Variants in NMBR observed in about 807,000 individuals in gnomAD.
The protein encoded by NMBR is neuromedin B receptor.
Under a neutral mutation model 20.5 loss-of-function variants are expected in NMBR, and 16 were observed. The ratio of observed to expected loss-of-function variants is 0.78; its 90% CI spans 0.53 to 1.19. The LOEUF (loss-of-function observed/expected upper bound fraction) is 1.19, where lower values mean the gene tolerates loss of function less well. Among genes scored for constraint, NMBR ranks in the 50% most tolerant of loss-of-function variants. The probability of loss-of-function intolerance (pLI) is 0.00; values close to 1 mark genes in which losing one functional copy is unlikely to be tolerated. For synonymous variants in NMBR, 212 were observed against 196.6 expected (o/e 1.08, Z -0.65); for missense variants, 582 against 499.1 (o/e 1.17, Z -1.58).
In NMBR at chr6:142,088,439, T is replaced by C. The variant is rs1777242961; in HGVS notation, c.220A>G (p.Met74Val). ...ATGAAGATGTTGGGGACGCTCCTCATGGCGCTGTTGGTGATGAAGATCTTC... is the reference window on the plus strand; with the variant it reads ...ATGAAGATGTTGGGGACGCTCCTCACGGCGCTGTTGGTGATGAAGATCTTC... ...LVKIFITNSA[M>V]RSVPNIFISN... is the part of the protein sequence containing the mutation. The change falls in exon 2 of 4, where the codon ATG becomes GTG. Residue 74 changes from methionine to valine, a missense_variant. Met to Val is a conservative substitution (Grantham distance 21). Transcript: ENST00000258042. 2 of 1,613,968 alleles carry C rather than the reference T, an allele frequency of 1.2e-6. No individual in the cohort carries two copies. Among genetic ancestry groups the C allele is most frequent in the Non-Finnish European group, 1.7e-6 (2 of 1,179,972 alleles).
intron 1 of NMBR, among the ~76,000 whole-genome samples, chr6:142,120,893 A>T (rs1777934638): frequency 6.6e-6 from 1 of 151,904 alleles, no homozygotes; most frequent in African/African-American, 2.4e-5. Flanking sequence ...GAGTTACCTC[A>T]TTTTATCGTG....
chr6:142,130,985 T>G (rs1042785141), intron 1 of NMBR, among the ~76,000 whole-genome samples: 1 of 152,178 alleles, frequency 6.6e-6, no homozygotes, highest in Non-Finnish European at 1.5e-5. Context: ...TTCAGAATTG[T>G]TATGGACCAG....
At chr6:142,141,622 A>G (rs1387604020) in intron 1 of NMBR, among the ~76,000 whole-genome samples, 1 of 150,856 alleles carries the variant, frequency 6.6e-6, no homozygotes, top group Non-Finnish European at 1.5e-5. Context: ...CTCCTGCCTC[A>G]GCCTCCCGAA....
intron 1 of NMBR, among the ~76,000 whole-genome samples, chr6:142,125,740 A>G (rs59323676): frequency 0.066 from 10,095 of 151,920 alleles, 491 homozygotes; most frequent in Admixed American, 0.15. Context: ...TACCTAACAA[A>G]TAATTATAGG....
chr6:142,106,994 T>C (rs1241079564), intron 1 of NMBR, among the ~76,000 whole-genome samples: 1 of 152,212 alleles, frequency 6.6e-6, no homozygotes, highest in African/African-American at 2.4e-5. Flanking sequence ...GCCAGTTAAA[T>C]TCCAGAAAGG....
chr6:142,144,220 A>G (rs1273517715), intron 1 of NMBR, among the ~76,000 whole-genome samples: 1 of 152,214 alleles, frequency 6.6e-6, no homozygotes, highest in Non-Finnish European at 1.5e-5. Flanking sequence ...TGTTAGTCTC[A>G]TGATACTGGA....
chr6:142,091,876 T>G (rs1477946966), intron 1 of NMBR, among the ~76,000 whole-genome samples: 1 of 152,156 alleles, frequency 6.6e-6, no homozygotes, highest in Non-Finnish European at 1.5e-5. Flanking sequence ...CAGAACCATA[T>G]TGATGCTGTT....
At chr6:142,138,142 G>A (rs941972009) in intron 1 of NMBR, among the ~76,000 whole-genome samples, 17 of 152,172 alleles carry the variant, frequency 1.1e-4, no homozygotes, top group Admixed American at 1.1e-3. Flanking sequence ...TTATCTGCCT[G>A]CCTTACCAAC....
At chr6:142,117,706 T>G (rs1232042545) in intron 1 of NMBR, among the ~76,000 whole-genome samples, 1 of 151,890 alleles carries the variant, frequency 6.6e-6, no homozygotes, top group Non-Finnish European at 1.5e-5. Flanking sequence ...ATTTCCCAAA[T>G]TAAAGGAATG....
At chr6:142,126,238 C>A (rs1218779426) in intron 1 of NMBR, among the ~76,000 whole-genome samples, 1 of 138,202 alleles carries the variant, frequency 7.2e-6, no homozygotes, top group East Asian at 2.1e-4. Context: ...CCTTTAAGGG[C>A]TTAACAATAT....
rs1582861258 is a variant in NMBR at position 142,130,193 on chromosome 6, T to C, written c.-664+16851A>G. Among the ~76,000 whole-genome samples the C allele has an allele frequency of 2.0e-5, 3 of 152,176 alleles. No homozygotes were observed. In the East Asian group the frequency reaches 5.8e-4, roughly 29 times the overall value. On this transcript the variant is annotated intron_variant, in intron 1 of 3. Coordinates refer to ENST00000258042, the MANE Select transcript of NMBR (RefSeq NM_002511.4). ...AATAAGGTCAAAGTTTATTTCCCCC[T>C]CACTTACCCATGTTTCAGCAATCAA... is the stretch of plus-strand genomic sequence containing the variant.
chr6:142,117,735 T>C (rs1777878943), intron 1 of NMBR, among the ~76,000 whole-genome samples: 1 of 151,994 alleles, frequency 6.6e-6, no homozygotes. Flanking sequence ...TTCAATAATG[T>C]CAAATATGAA....
At chr6:142,120,628 A>G (rs1777929817) in intron 1 of NMBR, among the ~76,000 whole-genome samples, 1 of 151,964 alleles carries the variant, frequency 6.6e-6, no homozygotes, top group Admixed American at 6.6e-5. Flanking sequence ...AGCAGAGTGG[A>G]AAGACCTTGT....
chr6:142,110,067 C>CA (rs1242044036), intron 1 of NMBR, among the ~76,000 whole-genome samples: 3 of 151,540 alleles, frequency 2.0e-5, no homozygotes, highest in Non-Finnish European at 2.9e-5. Context: ...TAGATGGACA[C>CA]AAAAAAAAGT....
chr6:142,103,008 C>G (rs752205753), intron 1 of NMBR, among the ~76,000 whole-genome samples: 3 of 152,076 alleles, frequency 2.0e-5, no homozygotes, highest in Non-Finnish European at 4.4e-5. Flanking sequence ...GAGGAACTTC[C>G]TTGGTTAGCT....
intron 1 of NMBR, among the ~76,000 whole-genome samples, chr6:142,112,520 A>T (rs559072473): frequency 6.6e-6 from 1 of 152,254 alleles, no homozygotes; most frequent in South Asian, 2.1e-4. Context: ...TGGCATCTGC[A>T]CTCCTCAAAT....
intron 1 of NMBR, among the ~76,000 whole-genome samples, chr6:142,125,539 A>G (rs999470765): frequency 6.6e-6 from 1 of 151,892 alleles, no homozygotes; most frequent in African/African-American, 2.4e-5. Context: ...GCTTTTATGT[A>G]AGCCCCATGG....
intron 1 of NMBR, among the ~76,000 whole-genome samples, chr6:142,139,665 T>G (rs1008698147): frequency 1.3e-5 from 2 of 152,170 alleles, no homozygotes; most frequent in Non-Finnish European, 2.9e-5. Flanking sequence ...AAACACTACA[T>G]ATTGTTATGT....
chr6:142,116,923 T>C (rs1311162248), intron 1 of NMBR, among the ~76,000 whole-genome samples: 1 of 151,988 alleles, frequency 6.6e-6, no homozygotes, highest in Non-Finnish European at 1.5e-5. Flanking sequence ...ATTAATATTA[T>C]TAGAAATCTG....
Sources: allele counts gnomAD v4.1 joint callset (sites outside exome capture counted in the v4.1 genomes callset), GRCh38; gene constraint gnomAD v4.1.1; transcripts MANE v1.5; gene names NCBI Gene and HGNC (gene_info 2026-07-23, HGNC 2026-07-21).